CNTN5: variants seen among roughly 807,000 people sequenced by gnomAD.
CNTN5 encodes the protein contactin-5.
A neutral mutation model predicts 129.1 loss-of-function variants in CNTN5; 77 were observed. That is an observed-to-expected ratio of 0.60 (90% CI 0.50 to 0.72). The LOEUF is 0.72. CNTN5 is among the 30% of genes least tolerant of loss of function. The pLI is 0.00. For missense variants in CNTN5, 1,478 were observed against 1,328.8 expected, an observed-to-expected ratio of 1.11 and a Z score of -1.75; for synonymous variants, 509 against 465.6, an observed-to-expected ratio of 1.09 and a Z score of -1.20.
At chr11:99,394,045 G>A (rs1417038347) in intron 2 of CNTN5, among the ~76,000 whole-genome samples, 1 of 151,466 alleles carries the variant, frequency 6.6e-6, no homozygotes, top group East Asian at 1.9e-4. Flanking sequence ...TTACATTAGG[G>A]AAGTTTCATG....
intron 1 of CNTN5, among the ~76,000 whole-genome samples, chr11:99,262,740 G>A (rs963290443): frequency 2.6e-5 from 4 of 151,192 alleles, no homozygotes; most frequent in East Asian, 3.9e-4. Flanking sequence ...GTTTTTAAGG[G>A]CCCCTCTTAA....
intron 3 of CNTN5, among the ~76,000 whole-genome samples, chr11:99,801,702 T>C (rs548303015): frequency 2.0e-5 from 3 of 152,364 alleles, no homozygotes; most frequent in African/African-American, 7.2e-5. Flanking sequence ...TTCTTTCTTG[T>C]GCTTGGTGCA....
intron 9 of CNTN5, among the ~76,000 whole-genome samples, chr11:100,028,607 A>G (rs545038548): frequency 6.6e-6 from 1 of 152,282 alleles, no homozygotes; most frequent in Admixed American, 6.5e-5. Flanking sequence ...CCATTTCTCA[A>G]GCTTTCCTTA....
intron 15 of CNTN5, among the ~76,000 whole-genome samples, chr11:100,220,169 C>T (rs751798469): frequency 6.6e-6 from 1 of 151,778 alleles, no homozygotes; most frequent in Non-Finnish European, 1.5e-5. Flanking sequence ...CCCAGCTACT[C>T]GGGAGGCTAA....
intron 18 of CNTN5, among the ~76,000 whole-genome samples, chr11:100,294,899 G>C (rs1320694463): frequency 6.6e-6 from 1 of 151,530 alleles, no homozygotes; most frequent in Non-Finnish European, 1.5e-5. Flanking sequence ...AAAAGAAAAT[G>C]AATGTACATG....
At chr11:99,486,044 T>A (rs1945799338) in intron 2 of CNTN5, among the ~76,000 whole-genome samples, 1 of 152,032 alleles carries the variant, frequency 6.6e-6, no homozygotes, top group Non-Finnish European at 1.5e-5. Context: ...TTTTGCCTAT[T>A]TTCTCTTTCC....
intron 2 of CNTN5, among the ~76,000 whole-genome samples, chr11:99,401,692 A>T (rs1327849307): frequency 6.6e-6 from 1 of 152,134 alleles, no homozygotes; most frequent in Non-Finnish European, 1.5e-5. Context: ...TTTTAACAAT[A>T]TTGATTCTTC....
chr11:100,085,685 G>A (rs964491898), intron 13 of CNTN5, among the ~76,000 whole-genome samples: 5 of 151,918 alleles, frequency 3.3e-5, no homozygotes, highest in Admixed American at 6.6e-5. Context: ...AATAAGATAC[G>A]ATTTTAAATA....
intron 2 of CNTN5, among the ~76,000 whole-genome samples, chr11:99,521,487 A>G (rs1947274193): frequency 6.6e-6 from 1 of 152,212 alleles, no homozygotes; most frequent in Non-Finnish European, 1.5e-5. Context: ...TATCATTTTC[A>G]AAGAATAACA....
In CNTN5 at chr11:99,858,699, A is replaced by T. The variant is rs373107489; in HGVS notation, c.577+13437A>T. The stretch of plus-strand genomic sequence containing the variant: ...TTTTAAAGTTATTTCTTAAGATGTT[A>T]TAAAAATATTTTAATTGATTTACCT... On this transcript the variant is annotated intron_variant, in intron 6 of 24. Coordinates refer to ENST00000524871, the MANE Select transcript of CNTN5 (RefSeq NM_014361.4). Among the ~76,000 whole-genome samples, 356 of 128,692 alleles carry T rather than the reference A, an allele frequency of 2.8e-3. 16 individuals carry two copies. Among genetic ancestry groups the T allele is most frequent in the South Asian group, 0.022 (82 of 3,718 alleles). The allele number at this position is 128,692 out of a possible 152,430, so 84.4% of individuals were successfully genotyped here. A position where few individuals can be genotyped will look rare whatever the true frequency, so the allele number is the denominator to read the frequency against.
intron 2 of CNTN5, among the ~76,000 whole-genome samples, chr11:99,465,720 G>T (rs1944905289): frequency 6.6e-6 from 1 of 151,922 alleles, no homozygotes; most frequent in Admixed American, 6.6e-5. Context: ...AAGAAAAGAG[G>T]TTTAGTTGGC....
At chr11:99,675,114 T>C (rs1023432224) in intron 3 of CNTN5, among the ~76,000 whole-genome samples, 2 of 152,176 alleles carry the variant, frequency 1.3e-5, no homozygotes, top group East Asian at 3.9e-4. Flanking sequence ...TTGTTCATCC[T>C]ACTAACTAAT....
At position 100,010,569 on chromosome 11, in the gene CNTN5, T is replaced by C. The variant is rs564754550; in HGVS notation, c.980+8433T>C. On this transcript the variant is annotated intron_variant, in intron 9 of 24. Coordinates refer to ENST00000524871, the MANE Select transcript of CNTN5 (RefSeq NM_014361.4). ...AAATAAACAACGATGGTGTTCCTTC[T>C]GGCTTCTTCAGCCTTGCAATCTCCC... is the stretch of plus-strand genomic sequence containing the variant. Among the ~76,000 whole-genome samples, 28 of 152,232 alleles carry C rather than the reference T, an allele frequency of 1.8e-4. No homozygotes were observed. In the South Asian group the frequency reaches 3.7e-3, roughly 20 times the overall value.
chr11:99,486,151 G>T (rs1019555941), intron 2 of CNTN5, among the ~76,000 whole-genome samples: 17 of 152,036 alleles, frequency 1.1e-4, no homozygotes, highest in Admixed American at 5.2e-4. Context: ...GTACAATTCA[G>T]TTAATAGTAT....
At chr11:99,127,955 A>G (rs1858727358) in intron 1 of CNTN5, among the ~76,000 whole-genome samples, 1 of 152,202 alleles carries the variant, frequency 6.6e-6, no homozygotes, top group African/African-American at 2.4e-5. Flanking sequence ...GAAGGTGTTA[A>G]TAGTTTTTAT....
intron 3 of CNTN5, among the ~76,000 whole-genome samples, chr11:99,771,290 C>T (rs1433307828): frequency 1.3e-5 from 2 of 151,974 alleles, no homozygotes; most frequent in East Asian, 3.9e-4. Flanking sequence ...ATTGCAGCAT[C>T]ATTCACCATA....
chr11:99,789,270 A>T (rs914620637), intron 3 of CNTN5, among the ~76,000 whole-genome samples: 1 of 151,932 alleles, frequency 6.6e-6, no homozygotes, highest in African/African-American at 2.4e-5. Context: ...TATTTTCTCA[A>T]TATTCAGAAC....
At chr11:100,004,629 G>A (rs1480962010) in intron 9 of CNTN5, among the ~76,000 whole-genome samples, 1 of 152,162 alleles carries the variant, frequency 6.6e-6, no homozygotes, top group East Asian at 1.9e-4. Flanking sequence ...GTGATGAGCT[G>A]AAGATCTGTG....
chr11:99,130,624 A>G (rs1004240035), intron 1 of CNTN5, among the ~76,000 whole-genome samples: 2 of 152,208 alleles, frequency 1.3e-5, no homozygotes, highest in Non-Finnish European at 2.9e-5. Flanking sequence ...ATAGATATCT[A>G]CAGAACTCTC....
Sources: gnomAD v4.1 joint callset for allele counts (sites outside exome capture counted in the v4.1 genomes callset) on GRCh38, gnomAD v4.1.1 for gene constraint, MANE v1.5 for transcripts, NCBI Gene and HGNC (gene_info 2026-07-23, HGNC 2026-07-21) for gene names.